The following IQSEC1 variants were observed in gnomAD, a reference collection of about 807,000 sequenced individuals.
The protein encoded by IQSEC1 is IQ motif and SEC7 domain-containing protein 1.
IQSEC1 carries 31 observed loss-of-function variants against 91.0 expected under a neutral mutation model. That is an observed-to-expected ratio of 0.34 (90% CI 0.26 to 0.46). The LOEUF is 0.46. Ranked by LOEUF, IQSEC1 falls within the 20% of genes least tolerant of loss-of-function variation. The pLI, the probability that IQSEC1 is intolerant of heterozygous loss-of-function variation, is 1.00. For synonymous variants in IQSEC1, 699 were observed against 662.6 expected (o/e 1.05, Z -0.84); for missense variants, 1,388 against 1,575.6 (o/e 0.88, Z 2.02).
chr3:12,967,033 C>T lies in IQSEC1; in HGVS notation c.24-25168G>A, dbSNP rs774854133. Among the ~76,000 whole-genome samples the T allele has an allele frequency of 1.3e-5, 2 of 152,046 alleles. No homozygotes were observed. The highest frequency in any genetic ancestry group is 2.9e-5 in the Non-Finnish European group (2 of 68,006). The stretch of plus-strand genomic sequence containing the variant: ...CACCTCACACCCACACCGAGTCCCA[C>T]TGTTTCCCTCTCAAGCCCCCAAACT... On this transcript the variant is annotated intron_variant, in intron 1 of 13. Coordinates refer to ENST00000613206, the MANE Select transcript of IQSEC1 (RefSeq NM_001134382.3). This position sits in a 1 kb window ranked among gnomAD's most constrained non-coding sequence, Gnocchi z 5.9.
intron 1 of IQSEC1, among the ~76,000 whole-genome samples, chr3:13,209,105 G>C (rs536012830): frequency 5.3e-5 from 8 of 152,286 alleles, no homozygotes; most frequent in African/African-American, 1.9e-4. Flanking sequence ...TGTCCCTTTG[G>C]CTGAGCCCAG....
intron 2 of IQSEC1, among the ~76,000 whole-genome samples, chr3:13,136,010 G>C (rs1706703791): frequency 6.6e-6 from 1 of 152,224 alleles, no homozygotes; most frequent in South Asian, 2.1e-4. Flanking sequence ...TACCCTGCTG[G>C]GCGGTGCAGA....
intron 2 of IQSEC1, among the ~76,000 whole-genome samples, chr3:13,078,433 G>A (rs898444711): frequency 7.9e-5 from 12 of 152,266 alleles, no homozygotes; most frequent in Middle Eastern, 3.4e-3. Flanking sequence ...GCTCCCTCCC[G>A]CACCCAACGG....
chr3:13,223,005 TAAC>T (rs1485882473), intron 1 of IQSEC1, among the ~76,000 whole-genome samples: 1 of 152,088 alleles, frequency 6.6e-6, no homozygotes, highest in Non-Finnish European at 1.5e-5. Context: ...GGATGGGAAA[TAAC>T]AAAAAGGGGT....
rs1693797466 is a variant in IQSEC1, at chr3:12,897,808, T to C, written c.*3175A>G. The C allele has an allele frequency of 6.6e-6, 1 of 152,214 alleles. No homozygotes were observed. Among genetic ancestry groups the C allele is most frequent in the South Asian group, 2.1e-4 (1 of 4,824 alleles). The allele number at this position is 152,214 out of a possible 1,614,324, so 9.4% of individuals were successfully genotyped here. On this transcript the variant is annotated 3_prime_UTR_variant, in exon 14 of 14. Transcript: ENST00000613206. ...CTCATTAAGAAAAACAAGAGGCTCC[T>C]GCTGCATGCAGTGTGTGAGGGAAAG...
chr3:13,077,762 C>A (rs1170575397), upstream of IQSEC1, among the ~76,000 whole-genome samples: 3 of 152,162 alleles, frequency 2.0e-5, no homozygotes, highest in East Asian at 5.8e-4. Context: ...GGAAGCCTGG[C>A]AAACACCTCC....
chr3:13,034,565 C>T (rs377391039), intron 1 of IQSEC1, among the ~76,000 whole-genome samples: 1 of 152,174 alleles, frequency 6.6e-6, no homozygotes, highest in African/African-American at 2.4e-5. Flanking sequence ...GCACCTGCAA[C>T]GCTTACTTTA....
intron 2 of IQSEC1, among the ~76,000 whole-genome samples, chr3:13,095,362 G>T (rs1402957531): frequency 6.6e-6 from 1 of 152,098 alleles, no homozygotes; most frequent in Non-Finnish European, 1.5e-5. Context: ...ACCCTGAGGT[G>T]GGGCCCAGCC....
In IQSEC1 at chr3:12,938,848, C is replaced by T. The variant is rs376668661; in HGVS notation, c.319-2151G>A. Among the ~76,000 whole-genome samples the T allele has an allele frequency of 1.4e-3, 215 of 152,314 alleles. 1 individual carries two copies. Among genetic ancestry groups the T allele is most frequent in the Middle Eastern group, 6.8e-3 (2 of 294 alleles). ...CCTGTGTGTGTTGGGGGCGAAGGGA[C>T]TTCAGGAAGGCAGCAATGGGCTCTG... On this transcript the variant is annotated intron_variant, in intron 2 of 13. Coordinates refer to ENST00000613206, the MANE Select transcript of IQSEC1 (RefSeq NM_001134382.3).
chr3:13,196,840 C>A (rs1359030339), intron 1 of IQSEC1, among the ~76,000 whole-genome samples: 8 of 151,712 alleles, frequency 5.3e-5, no homozygotes, highest in Non-Finnish European at 1.0e-4. Context: ...AAAGAAGCAG[C>A]CGCAGGGGCT....
In IQSEC1 at chr3:13,211,883, C is replaced by T. The variant is rs1323491894; in HGVS notation, c.273-47750G>A. ...AGGCACAGTCCCTCCACGCTGGTTT[C>T]GTGTCCACAGAACCTTTCCGTGGCC... On this transcript the variant is annotated intron_variant, in intron 1 of 15. Coordinates refer to the IQSEC1 transcript ENST00000648114. The surrounding 1 kb of genome is among the most constrained non-coding windows in gnomAD (Gnocchi z 5.3). Among the ~76,000 whole-genome samples, 1 of 152,230 alleles carries T rather than the reference C, an allele frequency of 6.6e-6. No individual in the cohort carries two copies. Among genetic ancestry groups the T allele is most frequent in the East Asian group, 1.9e-4 (1 of 5,194 alleles).
intron 2 of IQSEC1, among the ~76,000 whole-genome samples, chr3:13,083,820 C>T (rs546027509): frequency 6.6e-6 from 1 of 152,386 alleles, no homozygotes; most frequent in South Asian, 2.1e-4. Context: ...TTCTCCTTGT[C>T]TCCCCAGCAC....
intron 2 of IQSEC1, among the ~76,000 whole-genome samples, chr3:13,108,144 TAG>T (rs1377217947): frequency 6.6e-6 from 1 of 152,278 alleles, no homozygotes; most frequent in African/African-American, 2.4e-5. Context: ...GTCCACGCTA[TAG>T]AGTTTTTAGC....
At chr3:12,950,482 C>T (rs537953712) in intron 1 of IQSEC1, among the ~76,000 whole-genome samples, 9 of 152,252 alleles carry the variant, frequency 5.9e-5, no homozygotes, top group South Asian at 2.1e-4. Context: ...GTTTGAGAAA[C>T]GTAGCAAGAC....
chr3:12,914,987 G>T, intron 8 of IQSEC1, 117 bp downstream of exon 8: 1 of 992,336 alleles, frequency 1.0e-6, no homozygotes, highest in Non-Finnish European at 1.5e-6. Context: ...CCCCAGCAAT[G>T]AACTCAAGCA....
At chr3:13,000,533 G>C (rs1377139738) in intron 1 of IQSEC1, among the ~76,000 whole-genome samples, 4 of 152,216 alleles carry the variant, frequency 2.6e-5, no homozygotes, top group African/African-American at 7.2e-5. Context: ...TAATGGTTCT[G>C]TCCACCTGCC....
chr3:13,214,254 C>T lies in IQSEC1; in HGVS notation c.273-50121G>A, dbSNP rs963469493. On this transcript the variant is annotated intron_variant, in intron 1 of 15. Coordinates refer to the IQSEC1 transcript ENST00000648114. This position sits in a 1 kb window ranked among gnomAD's most constrained non-coding sequence, Gnocchi z 4.5. ...CCTTTGAGAGCCAACCTGCCCTGGC[C>T]GGGTGAGACTAACCCTGTCTGAGTC... 5.3e-5 allele frequency among the ~76,000 whole-genome samples: 8 copies of T among 152,350 alleles called. No individual in the cohort carries two copies. Among genetic ancestry groups the T allele is most frequent in the South Asian group, 2.1e-4 (1 of 4,830 alleles).
intron 1 of IQSEC1, among the ~76,000 whole-genome samples, chr3:13,055,154 C>T (rs1704830288): frequency 6.6e-6 from 1 of 152,312 alleles, no homozygotes; most frequent in South Asian, 2.1e-4. Context: ...GGTTGGCCTG[C>T]ACACCCCTCC....
At chr3:12,987,866 C>G (rs1701816400) in intron 1 of IQSEC1, among the ~76,000 whole-genome samples, 1 of 152,226 alleles carries the variant, frequency 6.6e-6, no homozygotes, top group Non-Finnish European at 1.5e-5. Context: ...GATGCAAATT[C>G]AAACCACAGC....
Sources: allele counts gnomAD v4.1 joint callset (sites outside exome capture counted in the v4.1 genomes callset), GRCh38; gene constraint gnomAD v4.1.1; non-coding constraint Gnocchi (gnomAD v3.1); transcripts MANE v1.5; gene names NCBI Gene and HGNC (gene_info 2026-07-23, HGNC 2026-07-21).